KCNH7: variants seen among roughly 807,000 people sequenced by gnomAD.
KCNH7 encodes the protein potassium voltage-gated channel subfamily H member 7.
A neutral mutation model predicts 120.8 loss-of-function variants in KCNH7; 49 were observed. That is an observed-to-expected ratio of 0.41 (90% CI 0.32 to 0.51). The LOEUF (loss-of-function observed/expected upper bound fraction) is 0.51, where lower values mean the gene tolerates loss of function less well. KCNH7 is among the 20% of genes least tolerant of loss of function. The probability of loss-of-function intolerance (pLI) is 0.38; values close to 1 mark genes in which losing one functional copy is unlikely to be tolerated. For missense variants in KCNH7, 1,097 were observed against 1,446.6 expected, an observed-to-expected ratio of 0.76 and a Z score of 3.92; for synonymous variants, 547 against 516.1, an observed-to-expected ratio of 1.06 and a Z score of -0.81.
intron 2 of KCNH7, among the ~76,000 whole-genome samples, chr2:162,824,008 T>C (rs570509760): frequency 2.6e-5 from 4 of 152,188 alleles, no homozygotes; most frequent in African/African-American, 7.2e-5. Context: ...CATTTAGTTT[T>C]ATTTTCTAAT....
At chr2:162,615,906 G>A (rs1235271089) in intron 2 of KCNH7, among the ~76,000 whole-genome samples, 1 of 152,136 alleles carries the variant, frequency 6.6e-6, no homozygotes, top group African/African-American at 2.4e-5. Context: ...TGGATTGCTT[G>A]TAAGTTACTT....
At position 162,623,068 on chromosome 2, in the gene KCNH7, T is replaced by C. The variant is rs116261759; in HGVS notation, c.308-85988A>G. 4.5e-3 allele frequency among the ~76,000 whole-genome samples: 685 copies of C among 152,232 alleles called. 7 individuals carry two copies. Among genetic ancestry groups the C allele is most frequent in the African/African-American group, 0.016 (658 of 41,550 alleles). ...TGAGATGGGTAGAATTTAGACAGATTTTATGCTCAAAAACAGTCACAAGGT... is the reference window on the plus strand; with the variant it reads ...TGAGATGGGTAGAATTTAGACAGATCTTATGCTCAAAAACAGTCACAAGGT... On this transcript the variant is annotated intron_variant, in intron 2 of 15. Transcript: ENST00000332142.
intron 2 of KCNH7, among the ~76,000 whole-genome samples, chr2:162,717,825 A>C (rs996916980): frequency 6.6e-6 from 1 of 152,100 alleles, no homozygotes; most frequent in African/African-American, 2.4e-5. Flanking sequence ...TGAATTCAGT[A>C]TTACTTGAAA....
intron 2 of KCNH7, among the ~76,000 whole-genome samples, chr2:162,629,184 T>A (rs1033015670): frequency 4.6e-5 from 7 of 152,110 alleles, no homozygotes; most frequent in Non-Finnish European, 1.0e-4. Context: ...CCCTCATGTA[T>A]GGCCGTGGTG....
At chr2:162,626,824 C>T (rs933894480) in intron 2 of KCNH7, among the ~76,000 whole-genome samples, 3 of 152,098 alleles carry the variant, frequency 2.0e-5, no homozygotes, top group Admixed American at 1.3e-4. Context: ...GGACGATTAT[C>T]ATTATAGGAA....
At chr2:162,579,484 T>C (rs1318602378) in intron 2 of KCNH7, among the ~76,000 whole-genome samples, 1 of 152,054 alleles carries the variant, frequency 6.6e-6, no homozygotes, top group Admixed American at 6.6e-5. Context: ...GAAACTTCTG[T>C]TTTCCTCAGT....
chr2:162,475,704 G>C (rs960893837), intron 6 of KCNH7, among the ~76,000 whole-genome samples: 1 of 152,134 alleles, frequency 6.6e-6, no homozygotes, highest in African/African-American at 2.4e-5. Context: ...TGACAAAGAA[G>C]AGGGCAAATT....
At chr2:162,717,145 A>C (rs1035471268) in intron 2 of KCNH7, among the ~76,000 whole-genome samples, 1 of 152,132 alleles carries the variant, frequency 6.6e-6, no homozygotes, top group Admixed American at 6.6e-5. Flanking sequence ...TTCCCATTTT[A>C]ATATGTGAAC....
intron 5 of KCNH7, among the ~76,000 whole-genome samples, chr2:162,506,851 G>A (rs59929993): frequency 0.079 from 11,977 of 151,794 alleles, 502 homozygotes; most frequent in East Asian, 0.11. Flanking sequence ...TTTCATTCTA[G>A]GGGAGATTTG....
intron 2 of KCNH7, among the ~76,000 whole-genome samples, chr2:162,745,936 C>T (rs2105419907): frequency 6.6e-6 from 1 of 151,840 alleles, no homozygotes; most frequent in East Asian, 1.9e-4. Context: ...CCAAAGTTTG[C>T]TACCTCCCAG....
intron 2 of KCNH7, among the ~76,000 whole-genome samples, chr2:162,639,564 T>TA (rs1684076523): frequency 6.6e-6 from 1 of 152,030 alleles, no homozygotes; most frequent in African/African-American, 2.4e-5. Context: ...TATGGAAATT[T>TA]AAAAAAGCAT....
At chr2:162,482,901 C>T (rs768489449) in intron 6 of KCNH7, among the ~76,000 whole-genome samples, 16 of 152,054 alleles carry the variant, frequency 1.1e-4, no homozygotes, top group East Asian at 3.9e-4. Flanking sequence ...CATCTGTCAA[C>T]GGAATATAAT....
Position 162,717,138 on chromosome 2 carries a change from C to T in KCNH7, c.307+119399G>A, listed in dbSNP as rs1036477948. Among the ~76,000 whole-genome samples the T allele has an allele frequency of 3.9e-5, 6 of 151,996 alleles. No homozygotes were observed. The East Asian group carries it at 1.2e-3, about 29-fold the overall frequency. Reference sequence around the variant, plus strand: ...AAAGGTTAAATCTTTATAAGGTTTCCCATTTTAATATGTGAACAGACAATG... The same window carrying T: ...AAAGGTTAAATCTTTATAAGGTTTCTCATTTTAATATGTGAACAGACAATG... On this transcript the variant is annotated intron_variant, in intron 2 of 15. Coordinates refer to ENST00000332142, the MANE Select transcript of KCNH7 (RefSeq NM_033272.4).
chr2:162,783,877 A>T (rs1367650995), intron 2 of KCNH7, among the ~76,000 whole-genome samples: 1 of 152,156 alleles, frequency 6.6e-6, no homozygotes, highest in East Asian at 1.9e-4. Context: ...TTCCATTTGA[A>T]ATGTAAAAAA....
chr2:162,674,898 A>G (rs1439553013), intron 2 of KCNH7, among the ~76,000 whole-genome samples: 1 of 151,660 alleles, frequency 6.6e-6, no homozygotes, highest in Non-Finnish European at 1.5e-5. Context: ...GCAATAAGGA[A>G]AGATTTATTA....
intron 6 of KCNH7, among the ~76,000 whole-genome samples, chr2:162,476,650 C>T (rs1357006725): frequency 6.6e-6 from 1 of 152,098 alleles, no homozygotes; most frequent in Admixed American, 6.6e-5. Flanking sequence ...TATTTTAAAA[C>T]ATCTTTCAAT....
intron 6 of KCNH7, among the ~76,000 whole-genome samples, chr2:162,466,487 T>G (rs1310970961): frequency 6.6e-6 from 1 of 152,164 alleles, no homozygotes; most frequent in Non-Finnish European, 1.5e-5. Context: ...ACTCACCCAC[T>G]ATCATGAGAA....
chr2:162,454,206 C>T (rs10200670), intron 6 of KCNH7, among the ~76,000 whole-genome samples: 34,601 of 151,936 alleles, frequency 0.23, 7,817 homozygotes, highest in African/African-American at 0.58. Flanking sequence ...ATTTATGAAA[C>T]AGGGAATCCT....
intron 2 of KCNH7, among the ~76,000 whole-genome samples, chr2:162,665,521 A>G (rs1047669556): frequency 2.0e-5 from 3 of 152,176 alleles, no homozygotes; most frequent in African/African-American, 7.2e-5. Context: ...AGAAAAAACT[A>G]AATTTGTCAT....
Sources: allele counts gnomAD v4.1 joint callset (sites outside exome capture counted in the v4.1 genomes callset), GRCh38; gene constraint gnomAD v4.1.1; transcripts MANE v1.5; gene names NCBI Gene and HGNC (gene_info 2026-07-23, HGNC 2026-07-21).